Variants in CDH2 observed in about 807,000 individuals in gnomAD.
CDH2 encodes the protein cadherin-2.
Under a neutral mutation model 92.0 loss-of-function variants are expected in CDH2, and 17 were observed. That is an observed-to-expected ratio of 0.18 (90% confidence interval 0.13 to 0.28). The LOEUF is 0.28. Among genes scored for constraint, CDH2 ranks in the 10% least tolerant of loss-of-function variants. CDH2 has a pLI of 1.00. For synonymous variants in CDH2, 419 were observed against 415.9 expected (o/e 1.01, Z -0.09); for missense variants, 862 against 1,133.1 (o/e 0.76, Z 3.44).
intron 6 of CDH2, among the ~76,000 whole-genome samples, chr18:28,005,541 T>C (rs775662990): frequency 3.3e-5 from 5 of 152,208 alleles, no homozygotes; most frequent in African/African-American, 4.8e-5. Context: ...TCAAGATGCA[T>C]TGGCTGTATC....
At chr18:28,087,343 A>G (rs1328149038) in intron 2 of CDH2, among the ~76,000 whole-genome samples, 1 of 152,186 alleles carries the variant, frequency 6.6e-6, no homozygotes, top group East Asian at 1.9e-4. Context: ...AGCCCGCCTA[A>G]AGAAAGCAAA....
At chr18:27,978,193 T>C (rs2011913197) in intron 14 of CDH2, among the ~76,000 whole-genome samples, 1 of 152,130 alleles carries the variant, frequency 6.6e-6, no homozygotes, top group Admixed American at 6.6e-5. Flanking sequence ...AAAAATAAGA[T>C]AAATGGTTTA....
At chr18:28,039,115 C>T (rs2013897284) in intron 2 of CDH2, among the ~76,000 whole-genome samples, 1 of 152,162 alleles carries the variant, frequency 6.6e-6, no homozygotes. Context: ...TTGTTTAATG[C>T]CCTGCCACCT....
intron 2 of CDH2, among the ~76,000 whole-genome samples, chr18:28,043,054 T>A (rs1465482486): frequency 1.3e-5 from 2 of 152,168 alleles, no homozygotes; most frequent in Non-Finnish European, 1.5e-5. Flanking sequence ...CAGCATATAG[T>A]TAAAAAGAAA....
chr18:28,029,359 A>G (rs1049149464), intron 2 of CDH2, among the ~76,000 whole-genome samples: 7 of 152,242 alleles, frequency 4.6e-5, no homozygotes, highest in Admixed American at 2.6e-4. Context: ...GACTCTTAAA[A>G]TGCCAGTTAT....
intron 2 of CDH2, among the ~76,000 whole-genome samples, chr18:28,059,168 G>A (rs945939125): frequency 6.6e-6 from 1 of 152,190 alleles, no homozygotes; most frequent in Non-Finnish European, 1.5e-5. Context: ...ACACCAAATG[G>A]TCTCTTTGGT....
At chr18:28,033,457 T>C (rs1293081064) in intron 2 of CDH2, among the ~76,000 whole-genome samples, 1 of 151,988 alleles carries the variant, frequency 6.6e-6, no homozygotes, top group Non-Finnish European at 1.5e-5. Context: ...GCACACGAAT[T>C]GGTTCACTGA....
At chr18:28,008,563 G>C (rs891293540) in intron 5 of CDH2, among the ~76,000 whole-genome samples, 24 of 152,072 alleles carry the variant, frequency 1.6e-4, no homozygotes, top group Admixed American at 1.2e-3. Context: ...CTTAGACACA[G>C]GGTGGAGAAC....
intron 2 of CDH2, among the ~76,000 whole-genome samples, chr18:28,137,254 C>T (rs565593056): frequency 2.0e-5 from 3 of 152,264 alleles, no homozygotes; most frequent in East Asian, 3.9e-4. Context: ...GGTGTAAAGA[C>T]ACACATCTTC....
At chr18:28,172,446 A>G (rs1421697447) in intron 1 of CDH2, among the ~76,000 whole-genome samples, 1 of 152,196 alleles carries the variant, frequency 6.6e-6, no homozygotes, top group East Asian at 1.9e-4. Flanking sequence ...ATTTAGTTAA[A>G]TACAAAGACT....
chr18:28,105,521 G>C (rs894615190), intron 2 of CDH2, among the ~76,000 whole-genome samples: 3 of 151,510 alleles, frequency 2.0e-5, no homozygotes, highest in Non-Finnish European at 4.4e-5. Flanking sequence ...AGCTTTTCAT[G>C]AGAAAAAAAA....
intron 1 of CDH2, among the ~76,000 whole-genome samples, chr18:28,172,887 G>A (rs1206798745): frequency 2.0e-5 from 3 of 151,898 alleles, no homozygotes; most frequent in African/African-American, 7.3e-5. Context: ...AGAAGATGGG[G>A]ATTTTAATCA....
chr18:28,103,457 T>C (rs568718918), intron 2 of CDH2, among the ~76,000 whole-genome samples: 2,366 of 135,272 alleles, frequency 0.017, 58 homozygotes, highest in African/African-American at 0.056. Flanking sequence ...TATATATATA[T>C]ACACATAAAG....
rs11564424 is a variant in CDH2, at chr18:27,942,078, A to C, written c.1152-8954T>G. On this transcript the variant is annotated intron_variant, in intron 6 of 6. Coordinates refer to the CDH2 transcript ENST00000675173. ...GTAAAAAGTTCAAAACCTGGAATGCAGAAAACTTAGATTTTTTATTTTTTA... is the reference window on the plus strand; with the variant it reads ...GTAAAAAGTTCAAAACCTGGAATGCCGAAAACTTAGATTTTTTATTTTTTA... Among the ~76,000 whole-genome samples the C allele has an allele frequency of 3.7e-3, 569 of 152,360 alleles. 7 individuals are homozygous for C. Among genetic ancestry groups the C allele is most frequent in the African/African-American group, 0.013 (548 of 41,586 alleles).
At chr18:27,952,459 T>G in intron 15 of CDH2, 100 bp from the exon 16 acceptor site, 1 of 883,632 alleles carries the variant, frequency 1.1e-6, no homozygotes, top group Non-Finnish European at 1.8e-6. Flanking sequence ...AAACAAACAC[T>G]TGTTTGTAAA....
intron 2 of CDH2, among the ~76,000 whole-genome samples, chr18:28,131,684 G>T (rs17446770): frequency 3.2e-4 from 2 of 6,178 alleles, no homozygotes; most frequent in African/African-American, 1.2e-3. Flanking sequence ...AGCATTTGTG[G>T]TGTGTGTGTG....
intron 14 of CDH2, among the ~76,000 whole-genome samples, chr18:27,967,410 C>A (rs932178159): frequency 6.6e-6 from 1 of 152,094 alleles, no homozygotes; most frequent in East Asian, 1.9e-4. Flanking sequence ...CAAATGACAA[C>A]ATGTAGGATG....
At chr18:28,138,237 AT>A (rs567922046) in intron 2 of CDH2, among the ~76,000 whole-genome samples, 69 of 152,226 alleles carry the variant, frequency 4.5e-4, no homozygotes, top group African/African-American at 1.6e-3. Flanking sequence ...CTTAAAAAAA[AT>A]CAACCAAAAG....
In CDH2 at chr18:28,104,317, A is replaced by C. The variant is rs182556595; in HGVS notation, c.172+43356T>G. Among the ~76,000 whole-genome samples, 228 of 152,334 alleles carry C rather than the reference A, an allele frequency of 1.5e-3. 2 individuals are homozygous for C. The highest frequency in any genetic ancestry group is 0.01 in the South Asian group (49 of 4,832). The stretch of plus-strand genomic sequence containing the variant: ...CTAAATCAAAATGATTTAAAAGTGC[A>C]CAGGTATTTGTTCTTTATCATAAAA... On this transcript the variant is annotated intron_variant, in intron 2 of 15. Transcript: ENST00000269141.
Sources: gnomAD v4.1 joint callset for allele counts (sites outside exome capture counted in the v4.1 genomes callset) on GRCh38, gnomAD v4.1.1 for gene constraint, MANE v1.5 for transcripts, NCBI Gene and HGNC (gene_info 2026-07-23, HGNC 2026-07-21) for gene names.